PRAMEF4: variants seen among roughly 807,000 people sequenced by gnomAD.
PRAMEF4 encodes PRAME family member 4.
PRAMEF4 carries 18 observed loss-of-function variants against 34.4 expected under a neutral mutation model. That is an observed-to-expected ratio of 0.52 (90% CI 0.36 to 0.78). The LOEUF is 0.78. PRAMEF4 is among the 30% of genes least tolerant of loss of function. The pLI is 0.00. For missense variants in PRAMEF4, 482 were observed against 569.1 expected, an observed-to-expected ratio of 0.85 and a Z score of 1.56; for synonymous variants, 156 against 219.3, an observed-to-expected ratio of 0.71 and a Z score of 2.55.
In PRAMEF4 at chr1:12,883,083, C is replaced by A. The variant is rs750089412; in HGVS notation, c.293+19G>T. The A allele has an allele frequency of 1.0e-5, 16 of 1,599,852 alleles. 1 individual carries two copies. The highest frequency in any genetic ancestry group is 1.4e-5 in the Non-Finnish European group (16 of 1,173,850). ...TGGACACCTGGGCCCTCCCCACCAG[C>A]CCACCTGGGCCACCTCACCTGGGAC... On this transcript the variant is annotated intron_variant, in intron 2 of 3. Coordinates refer to ENST00000235349, the MANE Select transcript of PRAMEF4 (RefSeq NM_001009611.4).
chr1:12,884,932 A>G (rs1190299730), intron 1 of PRAMEF4, among the ~76,000 whole-genome samples: 21 of 150,422 alleles, frequency 1.4e-4, no homozygotes, highest in African/African-American at 5.2e-4. Flanking sequence ...TGAGTGTGAG[A>G]CAGGGAAGGG....
At position 12,882,047 on chromosome 1, in the gene PRAMEF4, G is replaced by A; in HGVS notation, c.682C>T (p.Pro228Ser). Residue 228 changes from proline to serine, a missense_variant, in exon 3 of 4, where the codon CCA (proline) becomes TCA (serine). Transcript: ENST00000235349. ...AGATTCCTCATGTGGCCCAGGTATG[G>A]GGTAAACTGTGTCAGGATGGGCAGT... ...WVLPILTQFT[P>S]YLGHMRNLQK... is the part of the protein sequence containing the mutation. 1 of 1,590,324 alleles carries A rather than the reference G, an allele frequency of 6.3e-7. No individual in the cohort carries two copies. The highest frequency in any genetic ancestry group is 1.1e-5 in the South Asian group (1 of 90,196).
In PRAMEF4 at chr1:12,883,417, G is replaced by A; in HGVS notation, c.-16-7C>T. The A allele has an allele frequency of 1.3e-6, 2 of 1,595,276 alleles. No homozygotes were observed. Among genetic ancestry groups the A allele is most frequent in the Non-Finnish European group, 1.7e-6 (2 of 1,171,012 alleles). ...CATGAATCTGCAGGGAAAACTTCCA[G>A]AGGACAAACCCAGAGAAAAGGCATC... On this transcript the variant is annotated splice_region_variant and splice_polypyrimidine_tract_variant and intron_variant, in intron 1 of 3. Transcript: ENST00000235349.
At chr1:12,884,065 G>C (rs1640947763) in intron 1 of PRAMEF4, among the ~76,000 whole-genome samples, 1 of 146,244 alleles carries the variant, frequency 6.8e-6, no homozygotes, top group South Asian at 2.2e-4. Flanking sequence ...CTGGAGTGTA[G>C]TGGTGGGATC....
At chr1:12,884,918 G>A (rs1640970571) in intron 1 of PRAMEF4, among the ~76,000 whole-genome samples, 1 of 149,842 alleles carries the variant, frequency 6.7e-6, no homozygotes, top group Non-Finnish European at 1.5e-5. Flanking sequence ...GTCCTTCAAA[G>A]TCCTGAGTGT....
chr1:12,881,725 A>G lies in PRAMEF4; in HGVS notation c.875+129T>C. ...TCAGGACAGGGCCGCCCACAGGACAATGCATGGACATTCTAGTGTCCCCTT... is the reference window on the plus strand; with the variant it reads ...TCAGGACAGGGCCGCCCACAGGACAGTGCATGGACATTCTAGTGTCCCCTT... On this transcript the variant is annotated intron_variant, in intron 3 of 3. Coordinates refer to ENST00000235349, the MANE Select transcript of PRAMEF4 (RefSeq NM_001009611.4). 7.6e-6 allele frequency: 11 copies of G among 1,440,290 alleles called. 1 individual carries two copies. The highest frequency in any genetic ancestry group is 1.0e-5 in the Non-Finnish European group (11 of 1,063,594). 89.2% of individuals were successfully genotyped at this position (1,440,290 alleles called of 1,614,324 possible).
rs773359260 is a variant in PRAMEF4 at position 12,882,419 on chromosome 1, C to T, written c.310G>A (p.Val104Met). The change falls in exon 3 of 4, where the codon GTG becomes ATG. Residue 104 changes from valine to methionine, a missense_variant. Around this residue, in one of 6 missense-constraint regions of PRAMEF4, gnomAD observed 172 missense variants for 130.2 expected, o/e 1.32. Coordinates refer to ENST00000235349, the MANE Select transcript of PRAMEF4 (RefSeq NM_001009611.4). ...GVRPRRWKLQVLDLQDVCENF... is the reference protein window; with the variant it reads ...GVRPRRWKLQMLDLQDVCENF... Reference sequence around the variant, plus strand: ...TCACAGACATCCTGTAAATCCAGCACTTGAAGTTTCCACCTCCTGTGGGAA... The same window carrying T: ...TCACAGACATCCTGTAAATCCAGCATTTGAAGTTTCCACCTCCTGTGGGAA... The T allele has an allele frequency of 1.9e-6, 3 of 1,587,560 alleles. No homozygotes were observed. Among genetic ancestry groups the T allele is most frequent in the Middle Eastern group, 2.3e-4 (1 of 4,382 alleles).
In PRAMEF4 at chr1:12,880,295, A is replaced by G. The variant is rs1361509377; in HGVS notation, c.876-190T>C. Among the ~76,000 whole-genome samples, 566 of 149,884 alleles carry G rather than the reference A, an allele frequency of 3.8e-3. 2 individuals are homozygous for G. The highest frequency in any genetic ancestry group is 0.015 in the East Asian group (75 of 5,096). ...GCCACCGAGGTCAATTCCACTTTAGACCCGGCCCAGTAACTCACACCTGTA... is the reference window on the plus strand; with the variant it reads ...GCCACCGAGGTCAATTCCACTTTAGGCCCGGCCCAGTAACTCACACCTGTA... On this transcript the variant is annotated intron_variant, in intron 3 of 3. Transcript: ENST00000235349.
At position 12,881,202 on chromosome 1, in the gene PRAMEF4, C is replaced by A. The variant is rs139358299; in HGVS notation, c.875+652G>T. On this transcript the variant is annotated intron_variant, in intron 3 of 3. Transcript: ENST00000235349. ...CCAACATGGTGAAACCCTGTCTCTA[C>A]TTAAAATATAAAAATTAGCCAGGTG... 9.9e-3 allele frequency among the ~76,000 whole-genome samples: 1,462 copies of A among 147,674 alleles called. 167 individuals carry two copies. The highest frequency in any genetic ancestry group is 0.036 in the African/African-American group (1,414 of 39,274).
chr1:12,883,950 T>C (rs201570702), intron 1 of PRAMEF4, among the ~76,000 whole-genome samples: 10,588 of 132,490 alleles, frequency 0.08, 502 homozygotes, highest in African/African-American at 0.088. Context: ...TCTCTCCCTT[T>C]TTTCTTTCTT....
chr1:12,883,905 CCTCT>C (rs1640943556), intron 1 of PRAMEF4, among the ~76,000 whole-genome samples: 2 of 138,386 alleles, frequency 1.4e-5, no homozygotes, highest in Non-Finnish European at 3.1e-5. Flanking sequence ...TCCTTCTTTC[CCTCT>C]CTCCCTCCCT....
intron 1 of PRAMEF4, among the ~76,000 whole-genome samples, chr1:12,885,850 T>C (rs12062356): frequency 1.7e-4 from 24 of 138,860 alleles, no homozygotes; most frequent in African/African-American, 4.8e-4. Context: ...TGGTCTCAAA[T>C]CCCTGGGCTG....
intron 3 of PRAMEF4, among the ~76,000 whole-genome samples, chr1:12,881,162 T>G (rs1640881025): frequency 6.8e-6 from 1 of 147,950 alleles, no homozygotes; most frequent in Non-Finnish European, 1.5e-5. Flanking sequence ...AGTCAGGAGT[T>G]GGAGAATAAC....
At position 12,879,699 on chromosome 1, in the gene PRAMEF4, G is replaced by A; in HGVS notation, c.1282C>T (p.Leu428Phe). 6.2e-7 allele frequency: 1 copy of A among 1,601,960 alleles called. No individual in the cohort carries two copies. Among genetic ancestry groups the A allele is most frequent in the South Asian group, 1.1e-5 (1 of 90,354 alleles). Residue 428 changes from leucine (L) to phenylalanine (F), a missense_variant, in exon 4 of 4, where the codon CTC becomes TTC. This residue lies in a region of PRAMEF4 where 116 missense variants were observed against 105.2 expected (regional missense o/e 1.10). Coordinates refer to ENST00000235349, the MANE Select transcript of PRAMEF4 (RefSeq NM_001009611.4). ...ATTTGAGCAAATCTGCTCCAGCAGA[G>A]AGTACCATCAGCACCATAACTCTCC... Reference protein sequence around the residue: ...PRESYGADGTLCWSRFAQIRA... With the variant: ...PRESYGADGTFCWSRFAQIRA...
chr1:12,880,545 C>T (rs1640868060), intron 3 of PRAMEF4, among the ~76,000 whole-genome samples: 1 of 149,414 alleles, frequency 6.7e-6, no homozygotes, highest in Non-Finnish European at 1.5e-5. Context: ...CACTACACTC[C>T]AGCCTGGGTG....
chr1:12,881,123 T>C (rs55675944), intron 3 of PRAMEF4, among the ~76,000 whole-genome samples: 2 of 147,520 alleles, frequency 1.4e-5, no homozygotes, highest in Admixed American at 1.4e-4. Context: ...CCCAGCACTT[T>C]GGGAGTCCAT....
rs756059703 is a variant in PRAMEF4 at position 12,879,691 on chromosome 1, C to G, written c.1290G>C (p.Trp430Cys). Residue 430 changes from tryptophan to cysteine, a missense_variant, in exon 4 of 4, where the codon TGG becomes TGC. Transcript: ENST00000235349. ...ESYGADGTLCWSRFAQIRAEL... is the reference protein window; with the variant it reads ...ESYGADGTLCCSRFAQIRAEL... Reference sequence around the variant, plus strand: ...CAGCCCTAATTTGAGCAAATCTGCTCCAGCAGAGAGTACCATCAGCACCAT... The same window carrying G: ...CAGCCCTAATTTGAGCAAATCTGCTGCAGCAGAGAGTACCATCAGCACCAT... The G allele has an allele frequency of 1.7e-5, 27 of 1,601,930 alleles. No individual in the cohort carries two copies. The highest frequency in any genetic ancestry group is 2.3e-5 in the Non-Finnish European group (27 of 1,175,160).
Position 12,881,872 on chromosome 1 carries a change from T to C in PRAMEF4, c.857A>G (p.His286Arg), listed in dbSNP as rs1640895134. Residue 286 changes from histidine (H) to arginine (R), a missense_variant, in exon 3 of 4, where the codon CAC becomes CGC. Transcript: ENST00000235349. ...CCCTCACCTGAGCAGCTGGTCCAGG[T>C]GGCCTTCGAGGAAAGAAACAGAGTT... ...YMNSVSFLEG[H>R]LDQLLSCLKT... 6.3e-7 allele frequency: 1 copy of C among 1,583,690 alleles called. No individual in the cohort carries two copies. The highest frequency in any genetic ancestry group is 1.4e-5 in the African/African-American group (1 of 71,160).
rs763691412 is a variant in PRAMEF4 at position 12,879,839 on chromosome 1, T to G, written c.1142A>C (p.Glu381Ala). 51 of 1,599,452 alleles carry G rather than the reference T, an allele frequency of 3.2e-5. 1 individual carries two copies. Among genetic ancestry groups the G allele is most frequent in the Non-Finnish European group, 4.1e-5 (48 of 1,173,564 alleles). Residue 381 changes from glutamate (E) to alanine (A), a missense_variant, in exon 4 of 4, where the codon GAG becomes GCG. Physicochemically the swap from Glu to Ala is moderately radical, Grantham distance 107. Transcript: ENST00000235349. ...TCCACAGAAGCTGAAGGTGTTGAGC[T>G]CAAAGCAGCGGCTCAGGGCAGGCAA... ...AILPALSRCF[E>A]LNTFSFCGNP...
Sources: gnomAD v4.1 joint callset for allele counts (sites outside exome capture counted in the v4.1 genomes callset) on GRCh38, gnomAD v4.1.1 for gene constraint, gnomAD v4.1.1 regional missense constraint, MANE v1.5 for transcripts, NCBI Gene and HGNC (gene_info 2026-07-23, HGNC 2026-07-21) for gene names.